The following ACVRL1 variants were observed in gnomAD, a reference collection of about 807,000 sequenced individuals.
ACVRL1 encodes the protein activin receptor type-1-like.
ACVRL1 carries 20 observed loss-of-function variants against 51.9 expected under a neutral mutation model. The ratio of observed to expected loss-of-function variants is 0.39; its 90% confidence interval spans 0.27 to 0.56. The LOEUF (loss-of-function observed/expected upper bound fraction) is 0.56, where lower values mean the gene tolerates loss of function less well. ACVRL1 is among the 20% of genes least tolerant of loss of function. ACVRL1 has a pLI of 0.67. For synonymous variants in ACVRL1, 288 were observed against 280.9 expected (o/e 1.03, Z -0.25); for missense variants, 451 against 670.3 (o/e 0.67, Z 3.61).
At position 51,922,146 on chromosome 12, in the gene ACVRL1, T is replaced by C; in HGVS notation, c.*1253T>C. On this transcript the variant is annotated 3_prime_UTR_variant, in exon 10 of 10. Transcript: ENST00000388922. ...TATATCACAGCTAACTTCTTCAGTC[T>C]CATCTATTCCTTATGCTCCAGCCCC... 1 of 152,348 alleles carries C rather than the reference T, an allele frequency of 6.6e-6. No individual in the cohort carries two copies. Among genetic ancestry groups the C allele is most frequent in the Non-Finnish European group, 1.5e-5 (1 of 68,040 alleles). 9.4% of individuals were successfully genotyped at this position (152,348 alleles called of 1,614,324 possible).
Position 51,921,208 on chromosome 12 carries a change from C to G in ACVRL1, c.*315C>G, listed in dbSNP as rs537383174. 2.6e-6 allele frequency: 1 copy of G among 391,726 alleles called. No homozygotes were observed. The highest frequency in any genetic ancestry group is 2.1e-5 in the South Asian group (1 of 47,360). 24.3% of individuals were successfully genotyped at this position (391,726 alleles called of 1,614,324 possible). On this transcript the variant is annotated 3_prime_UTR_variant, in exon 10 of 10. Coordinates refer to ENST00000388922, the MANE Select transcript of ACVRL1 (RefSeq NM_000020.3). ...GAGGCTCCAGAGTCAGAGTGCCAAG[C>G]CAGGGAATCCCAGTCCCAGACTCAG... is the stretch of plus-strand genomic sequence containing the variant.
rs779118678 is a variant in ACVRL1, at chr12:51,916,085, C to T, written c.1098C>T (p.Asn366=). 49 of 1,613,188 alleles carry T rather than the reference C, an allele frequency of 3.0e-5. No homozygotes were observed. The highest frequency in any genetic ancestry group is 3.8e-5 in the Non-Finnish European group (45 of 1,179,412). Residue 366 remains asparagine, a synonymous_variant, in exon 8 of 10, where the codon AAC becomes AAT. Coordinates refer to ENST00000388922, the MANE Select transcript of ACVRL1 (RefSeq NM_000020.3). ...GCAGCGATTACCTGGACATCGGCAA[C>T]AACCCGAGAGTGGGCACCAAGCGGT... The part of the protein sequence containing the change: ...SQGSDYLDIG[N]NPRVGTKRYM...
chr12:51,920,942 G>GGGGGGGGGC lies in ACVRL1; in HGVS notation c.*52_*53insGGGGGCGGG. On this transcript the variant is annotated 3_prime_UTR_variant, in exon 10 of 10. Transcript: ENST00000388922. ...TGCCTGCAGGGGGCTGGGGGGGTGG[G>GGGGGGGGGC]GGGCAGTGGATGGTGCCCTATCTGG... 1 of 629,042 alleles carries GGGGGGGGGC rather than the reference G, an allele frequency of 1.6e-6. No homozygotes were observed. The highest frequency in any genetic ancestry group is 2.9e-6 in the Non-Finnish European group (1 of 341,658). The allele number at this position is 629,042 out of a possible 1,614,324, so 39.0% of individuals were successfully genotyped here.
intron 3 of ACVRL1, 82 bp downstream of exon 3, chr12:51,913,432 C>T: frequency 2.7e-6 from 2 of 748,992 alleles, no homozygotes; most frequent in Non-Finnish European, 4.2e-6. Context: ...ATGCTCTGGC[C>T]AATAAAGGGG....
At chr12:51,912,593 G>C (rs1476992008) in intron 2 of ACVRL1, 58 bp downstream of exon 2, 3 of 1,442,472 alleles carry the variant, frequency 2.1e-6, no homozygotes, top group Non-Finnish European at 2.9e-6. Context: ...GGGCTATCTG[G>C]GCCCAGATCA....
At chr12:51,912,649 C>T in intron 2 of ACVRL1, 114 bp downstream of exon 2, 1 of 922,774 alleles carries the variant, frequency 1.1e-6, no homozygotes, top group Non-Finnish European at 1.7e-6. Flanking sequence ...AATGTAGGAG[C>T]TTGACTGGAG....
chr12:51,906,976 C>G (rs1940757925), upstream of ACVRL1: 1 of 152,238 alleles, frequency 6.6e-6, no homozygotes, highest in African/African-American at 2.4e-5. Flanking sequence ...GACCGAGGAC[C>G]CCCGGGCTGA....
rs957116575 is a variant in ACVRL1, at chr12:51,917,762, C to G, written c.1247-1223C>G. On this transcript the variant is annotated intron_variant, in intron 8 of 9. Coordinates refer to ENST00000388922, the MANE Select transcript of ACVRL1 (RefSeq NM_000020.3). The surrounding 1 kb of genome is among the most constrained non-coding windows in gnomAD (Gnocchi z 4.2). Reference sequence around the variant, plus strand: ...GAGTGGGCTCTAAGGAGACCGGGATCGGGGGAAAGAGGAACCTGGAAGAAG... The same window carrying G: ...GAGTGGGCTCTAAGGAGACCGGGATGGGGGGAAAGAGGAACCTGGAAGAAG... Among the ~76,000 whole-genome samples the G allele has an allele frequency of 6.6e-6, 1 of 151,952 alleles. No individual in the cohort carries two copies. The highest frequency in any genetic ancestry group is 1.5e-5 in the Non-Finnish European group (1 of 68,008).
Position 51,918,995 on chromosome 12 carries a change from G to A in ACVRL1, c.1257G>A (p.Glu419=), listed in dbSNP as rs1333220047. The change falls in exon 9 of 10, where the codon GAG becomes GAA. Residue 419 remains glutamate (E), a synonymous_variant. Transcript: ENST00000388922. ...ARRTIVNGIV[E]DYRPPFYDVV... ...ATTCTCCATTTCCAGGCATCGTGGA[G>A]GACTATAGACCACCCTTCTATGATG... The A allele has an allele frequency of 6.2e-7, 1 of 1,614,188 alleles. No individual in the cohort carries two copies. Among genetic ancestry groups the A allele is most frequent in the East Asian group, 2.2e-5 (1 of 44,878 alleles).
chr12:51,912,351 G>A (rs527611721), intron 1 of ACVRL1, 119 bp from the exon 2 acceptor site: 29 of 1,106,302 alleles, frequency 2.6e-5, no homozygotes, highest in Non-Finnish European at 3.4e-5. Flanking sequence ...GTAGGGAGGC[G>A]GCCTCCCTGC....
In ACVRL1 at chr12:51,922,152, AT is replaced by A. The variant is rs1340177659; in HGVS notation, c.*1261del. On this transcript the variant is annotated 3_prime_UTR_variant, in exon 10 of 10. Coordinates refer to ENST00000388922, the MANE Select transcript of ACVRL1 (RefSeq NM_000020.3). ...ACAGCTAACTTCTTCAGTCTCATCTATTCCTTATGCTCCAGCCCCTGGCAAT... is the reference window on the plus strand; with the variant it reads ...ACAGCTAACTTCTTCAGTCTCATCTATCCTTATGCTCCAGCCCCTGGCAAT... 1 of 152,196 alleles carries A rather than the reference AT, an allele frequency of 6.6e-6. No homozygotes were observed. The highest frequency in any genetic ancestry group is 1.5e-5 in the Non-Finnish European group (1 of 68,070). The allele number at this position is 152,196 out of a possible 1,614,324, so 9.4% of individuals were successfully genotyped here.
At chr12:51,915,164 C>T (rs1028956631) in intron 6 of ACVRL1, 61 bp from the exon 7 acceptor site, 3 of 1,592,442 alleles carry the variant, frequency 1.9e-6, no homozygotes, top group African/African-American at 1.3e-5. Flanking sequence ...CTGACCCTGA[C>T]GACTCCAGCC....
rs776064042 is a variant in ACVRL1 at position 51,913,699 on chromosome 12, G to C, written c.454G>C (p.Gly152Arg). Residue 152 changes from glycine to arginine, a missense_variant, in exon 4 of 10, where the codon GGC becomes CGC. Transcript: ENST00000388922. ...CCGACGGAGGCAGGAGAAGCAGCGT[G>C]GCCTGCACAGCGAGCTGGGAGAGTC... ...HVRRRQEKQR[G>R]LHSELGESSL... 1 of 1,611,556 alleles carries C rather than the reference G, an allele frequency of 6.2e-7. No homozygotes were observed. The highest frequency in any genetic ancestry group is 1.3e-5 in the African/African-American group (1 of 74,922).
intron 7 of ACVRL1, chr12:51,915,835 G>T: frequency 1.5e-6 from 1 of 659,728 alleles, no homozygotes; most frequent in Non-Finnish European, 2.5e-6. Context: ...TGGGTTCTTG[G>T]GAACCTAGAG....
intron 8 of ACVRL1, among the ~76,000 whole-genome samples, chr12:51,918,182 G>A (rs1169176324): frequency 1.3e-5 from 2 of 152,230 alleles, no homozygotes; most frequent in African/African-American, 4.8e-5. Context: ...ACCAAGAGGA[G>A]GGGGTCAGTG....
At chr12:51,915,878 T>C in intron 7 of ACVRL1, 158 bp from the exon 8 acceptor site, 5 of 769,804 alleles carry the variant, frequency 6.5e-6, no homozygotes, top group Non-Finnish European at 8.2e-6. Context: ...CCTGGGGCCA[T>C]GGTTCTCTCT....
chr12:51,914,404 A>G, intron 5 of ACVRL1, 35 bp from the exon 6 acceptor site: 1 of 1,613,956 alleles, frequency 6.2e-7, no homozygotes, highest in Non-Finnish European at 8.5e-7. Flanking sequence ...CTGTGTGCCC[A>G]GTGTGTAACC....
At chr12:51,914,615 TG>T in intron 6 of ACVRL1, 30 bp downstream of exon 6, 1 of 1,597,176 alleles carries the variant, frequency 6.3e-7, no homozygotes. Flanking sequence ...GTGCCAGGCC[TG>T]GGGCTTTGCC....
intron 8 of ACVRL1, among the ~76,000 whole-genome samples, chr12:51,916,979 AAG>A (rs768913537): frequency 3.9e-5 from 6 of 152,370 alleles, no homozygotes; most frequent in Middle Eastern, 6.8e-3. Flanking sequence ...GTCTCAAAAA[AAG>A]AAAATTTATT....
Sources: allele counts gnomAD v4.1 joint callset (sites outside exome capture counted in the v4.1 genomes callset), GRCh38; gene constraint gnomAD v4.1.1; non-coding constraint Gnocchi (gnomAD v3.1); transcripts MANE v1.5; gene names NCBI Gene and HGNC (gene_info 2026-07-23, HGNC 2026-07-21).